The following RGPD4 variants were observed in gnomAD, a reference collection of about 807,000 sequenced individuals.
RGPD4 encodes ranBP2-like and GRIP domain-containing protein 4.
In RGPD4, 84 loss-of-function variants were observed where a neutral mutation model predicts 141.1. That is an observed-to-expected ratio of 0.60 (90% CI 0.50 to 0.71). The LOEUF (loss-of-function observed/expected upper bound fraction) is 0.71, where lower values mean the gene tolerates loss of function less well. Among genes scored for constraint, RGPD4 ranks in the 30% least tolerant of loss-of-function variants. The pLI is 0.00. For missense variants in RGPD4, 918 were observed against 1,622.4 expected (o/e 0.57, Z 7.46); for synonymous variants, 298 against 566.8 (o/e 0.53, Z 6.74).
At chr2:107,829,501 G>T (rs1329316780) in intron 1 of RGPD4, among the ~76,000 whole-genome samples, 1 of 113,136 alleles carries the variant, frequency 8.8e-6, no homozygotes. Context: ...GGCTACCGAC[G>T]GGCGCTGCTC....
chr2:107,877,994 G>A (rs1234272926), intron 20 of RGPD4, among the ~76,000 whole-genome samples: 1 of 151,212 alleles, frequency 6.6e-6, no homozygotes, highest in Non-Finnish European at 1.5e-5. Context: ...TGCATTTTTA[G>A]TAGAGATAGG....
chr2:107,851,243 T>C (rs1682107569), intron 7 of RGPD4, among the ~76,000 whole-genome samples: 1 of 90,070 alleles, frequency 1.1e-5, no homozygotes, highest in Non-Finnish European at 2.4e-5. Context: ...GCTCGGTAGC[T>C]GGGACTACAG....
intron 20 of RGPD4, among the ~76,000 whole-genome samples, chr2:107,878,505 T>C (rs1683158336): frequency 6.6e-6 from 1 of 151,746 alleles, no homozygotes; most frequent in Non-Finnish European, 1.5e-5. Context: ...TCTGTCTAAA[T>C]ATGTTCTTCT....
At chr2:107,846,309 G>A (rs1159563143) in intron 6 of RGPD4, among the ~76,000 whole-genome samples, 9 of 151,516 alleles carry the variant, frequency 5.9e-5, no homozygotes, top group East Asian at 1.9e-4. Context: ...ATCGTGATCC[G>A]CCTGCCTTGG....
chr2:107,858,418 C>CTTTTA (rs1271518765), intron 9 of RGPD4, among the ~76,000 whole-genome samples: 2 of 151,310 alleles, frequency 1.3e-5, no homozygotes, highest in Non-Finnish European at 2.9e-5. Context: ...CTTTTCTTTT[C>CTTTTA]TTTTCTTTTC....
chr2:107,888,789 T>C (rs924244400), intron 22 of RGPD4, among the ~76,000 whole-genome samples: 9 of 110,262 alleles, frequency 8.2e-5, no homozygotes, highest in African/African-American at 3.3e-4. Context: ...TTAGCAGCCT[T>C]GAGGAACTAA....
chr2:107,847,946 C>G (rs2439151), intron 6 of RGPD4, among the ~76,000 whole-genome samples: 3,775 of 133,680 alleles, frequency 0.028, 187 homozygotes, highest in African/African-American at 0.11. Context: ...TTTGGAAATG[C>G]TATGTCTAAT....
chr2:107,872,840 G>A lies in RGPD4; in HGVS notation c.4836G>A (p.Gln1612=), dbSNP rs569287356. Residue 1612 remains glutamine (Q), a synonymous_variant, in exon 20 of 23, where the codon CAG becomes CAA. Transcript: ENST00000408999. ...TGTCAAAGAACTCTGATATCGAACA[G>A]TCTTCAGATAGCAAAGTCAAAAATC... is the stretch of plus-strand genomic sequence containing the variant. ...CELSKNSDIE[Q]SSDSKVKNLS... 1 of 1,604,988 alleles carries A rather than the reference G, an allele frequency of 6.2e-7. No homozygotes were observed. The highest frequency in any genetic ancestry group is 1.1e-5 in the South Asian group (1 of 90,680).
chr2:107,872,773 A>G lies in RGPD4; in HGVS notation c.4769A>G (p.Gln1590Arg). Residue 1590 changes from glutamine to arginine, a missense_variant, in exon 20 of 23, where the codon CAG (glutamine) becomes CGG (arginine). Transcript: ENST00000408999. ...AACAGTGAAACTAGTTCAGTAGCCC[A>G]GAGTGGATCTGAAAGCAAAGTGGAA... ...SNNSETSSVA[Q>R]SGSESKVEPK... is the part of the protein sequence containing the mutation. 6.2e-7 allele frequency: 1 copy of G among 1,611,446 alleles called. No individual in the cohort carries two copies. Among genetic ancestry groups the G allele is most frequent in the Non-Finnish European group, 8.5e-7 (1 of 1,179,852 alleles).
chr2:107,830,351 A>T (rs113864626), intron 1 of RGPD4, among the ~76,000 whole-genome samples: 1 of 152,036 alleles, frequency 6.6e-6, no homozygotes, highest in Admixed American at 6.5e-5. Flanking sequence ...CTTAAAAAAA[A>T]AAAAAAAAGC....
intron 1 of RGPD4, among the ~76,000 whole-genome samples, chr2:107,830,032 G>A (rs1211584453): frequency 6.6e-6 from 1 of 152,026 alleles, no homozygotes; most frequent in Admixed American, 6.5e-5. Flanking sequence ...TGGCCGGACG[G>A]CGCAAATGAC....
chr2:107,830,488 G>T (rs538268355), intron 1 of RGPD4, among the ~76,000 whole-genome samples: 6 of 152,216 alleles, frequency 3.9e-5, no homozygotes, highest in African/African-American at 1.4e-4. Flanking sequence ...AAAGTGGAGT[G>T]GTGGCAACAT....
At chr2:107,844,476 G>A (rs1681845517) in intron 6 of RGPD4, among the ~76,000 whole-genome samples, 2 of 152,192 alleles carry the variant, frequency 1.3e-5, no homozygotes, top group Non-Finnish European at 2.9e-5. Flanking sequence ...AGCCAGATTA[G>A]TAATCTCCTC....
intron 6 of RGPD4, among the ~76,000 whole-genome samples, chr2:107,847,003 A>T (rs1681975580): frequency 1.3e-5 from 2 of 151,736 alleles, no homozygotes; most frequent in African/African-American, 4.8e-5. Context: ...GCACTTTGGG[A>T]GGCCAAGGCG....
chr2:107,886,005 A>T lies in RGPD4; in HGVS notation c.5266+3132A>T, dbSNP rs1475557935. Among the ~76,000 whole-genome samples the T allele has an allele frequency of 2.7e-5, 4 of 150,916 alleles. No individual in the cohort carries two copies. The South Asian group carries it at 6.4e-4, about 24-fold the overall frequency. ...GAGGCAGAGGTTGCAGTGAGCCGAG[A>T]TGGTGCCATTGCACTCCAGCCCGAG... On this transcript the variant is annotated intron_variant, in intron 22 of 22. Transcript: ENST00000408999.
intron 1 of RGPD4, among the ~76,000 whole-genome samples, chr2:107,827,946 A>G (rs187056524): frequency 0.012 from 49 of 3,952 alleles, no homozygotes; most frequent in South Asian, 0.058. Flanking sequence ...TGGCTCAGGC[A>G]TCATGGCTCC....
intron 20 of RGPD4, among the ~76,000 whole-genome samples, chr2:107,878,076 T>TA (rs1419200701): frequency 6.6e-6 from 1 of 150,990 alleles, no homozygotes; most frequent in African/African-American, 2.5e-5. Context: ...CCTCCCAAAC[T>TA]GCTAGGATTA....
intron 21 of RGPD4, among the ~76,000 whole-genome samples, chr2:107,881,049 A>G (rs1009536688): frequency 6.6e-6 from 1 of 151,386 alleles, no homozygotes; most frequent in Non-Finnish European, 1.5e-5. Context: ...TCAAACTCAT[A>G]GCTGTCTGAA....
At chr2:107,849,666 C>T (rs1184101429) in intron 7 of RGPD4, among the ~76,000 whole-genome samples, 3 of 94,832 alleles carry the variant, frequency 3.2e-5, no homozygotes, top group Non-Finnish European at 6.7e-5. Context: ...CCACCATGCC[C>T]AGCCTTTTTT....
Sources: allele counts gnomAD v4.1 joint callset (sites outside exome capture counted in the v4.1 genomes callset), GRCh38; gene constraint gnomAD v4.1.1; transcripts MANE v1.5; gene names NCBI Gene and HGNC (gene_info 2026-07-23, HGNC 2026-07-21).